ESCO1: variants seen among roughly 807,000 people sequenced by gnomAD.
The protein encoded by ESCO1 is establishment of sister chromatid cohesion N-acetyltransferase 1.
Under a neutral mutation model 83.5 loss-of-function variants are expected in ESCO1, and 33 were observed. The observed-to-expected ratio is 0.40, with a 90% CI of 0.30 to 0.53. The LOEUF is 0.53. Among genes scored for constraint, ESCO1 ranks in the 20% least tolerant of loss-of-function variants. The pLI, the probability that ESCO1 is intolerant of heterozygous loss-of-function variation, is 0.63. For synonymous variants in ESCO1, 332 were observed against 324.3 expected, an observed-to-expected ratio of 1.02 and a Z score of -0.25; for missense variants, 855 against 968.0, an observed-to-expected ratio of 0.88 and a Z score of 1.55.
rs752102051 is a variant in ESCO1 at position 21,574,651 on chromosome 18, G to C, written c.193C>G (p.Arg65Gly). 6.2e-7 allele frequency: 1 copy of C among 1,613,820 alleles called. No homozygotes were observed. The highest frequency in any genetic ancestry group is 1.7e-5 in the Admixed American group (1 of 60,004). ...GCCTTTGATGACCTTGTACTCATGCGTGTTTCCAATTCTGGCTGATTTATT... is the reference window on the plus strand; with the variant it reads ...GCCTTTGATGACCTTGTACTCATGCCTGTTTCCAATTCTGGCTGATTTATT... ...SKINQPELET[R>G]MSTRSSKAAS... Residue 65 changes from arginine to glycine, a missense_variant, in exon 4 of 12, where the codon CGC becomes GGC. By Grantham distance (125) the Arg-to-Gly change is moderately radical. This residue lies in a region of ESCO1 where 726 missense variants were observed against 699.5 expected (regional missense o/e 1.04). Transcript: ENST00000269214.
At chr18:21,578,848 C>T (rs565265544) in intron 2 of ESCO1, among the ~76,000 whole-genome samples, 1 of 152,190 alleles carries the variant, frequency 6.6e-6, no homozygotes, top group South Asian at 2.1e-4. Flanking sequence ...CAGGCATGCA[C>T]CACCACGCCT....
At chr18:21,551,909 G>A (rs542021598) in intron 8 of ESCO1, among the ~76,000 whole-genome samples, 10 of 152,088 alleles carry the variant, frequency 6.6e-5, no homozygotes, top group Non-Finnish European at 1.2e-4. Context: ...TAAGACAAAA[G>A]AAAAGAGAAA....
chr18:21,550,163 A>G (rs1488602159), intron 8 of ESCO1, among the ~76,000 whole-genome samples: 1 of 151,556 alleles, frequency 6.6e-6, no homozygotes, highest in Admixed American at 6.5e-5. Flanking sequence ...TAAGATGTTG[A>G]TTATGTCTGG....
At chr18:21,561,735 T>C (rs539680851) in intron 7 of ESCO1, among the ~76,000 whole-genome samples, 5 of 152,010 alleles carry the variant, frequency 3.3e-5, no homozygotes, top group Admixed American at 3.3e-4. Flanking sequence ...GCCACCTGGC[T>C]AATTTTTATA....
At chr18:21,537,942 T>A (rs906157500) in intron 9 of ESCO1, among the ~76,000 whole-genome samples, 1 of 152,100 alleles carries the variant, frequency 6.6e-6, no homozygotes. Flanking sequence ...ATTGGAAAAT[T>A]TTTTTGGGAA....
At chr18:21,589,758 A>G (rs2038636236) in intron 1 of ESCO1, among the ~76,000 whole-genome samples, 1 of 152,184 alleles carries the variant, frequency 6.6e-6, no homozygotes, top group African/African-American at 2.4e-5. Context: ...AAGTCTACCG[A>G]GAACATCAGA....
At chr18:21,544,874 T>C (rs1006426015) in intron 8 of ESCO1, among the ~76,000 whole-genome samples, 13 of 152,130 alleles carry the variant, frequency 8.5e-5, no homozygotes, top group African/African-American at 3.1e-4. Flanking sequence ...TATTTAGAAG[T>C]AAAAAATAAA....
intron 1 of ESCO1, among the ~76,000 whole-genome samples, chr18:21,590,509 C>G (rs539168661): frequency 1.3e-5 from 2 of 152,054 alleles, no homozygotes; most frequent in Admixed American, 1.3e-4. Flanking sequence ...CATGAGCCAC[C>G]GCACCCAGTC....
At chr18:21,579,792 GCGCA>G (rs1555672178) in intron 2 of ESCO1, among the ~76,000 whole-genome samples, 10,669 of 135,010 alleles carry the variant, frequency 0.079, 730 homozygotes, top group Admixed American at 0.13. Flanking sequence ...ACACGCGCGC[GCGCA>G]CACACACACA....
chr18:21,593,365 A>T (rs2038710446), intron 1 of ESCO1: 1 of 167,096 alleles, frequency 6.0e-6, no homozygotes. Context: ...AGGCTGGTGG[A>T]TCACTCGCGG....
At chr18:21,585,038 A>G (rs1437168406) in intron 1 of ESCO1, among the ~76,000 whole-genome samples, 1 of 150,628 alleles carries the variant, frequency 6.6e-6, no homozygotes, top group African/African-American at 2.4e-5. Flanking sequence ...GCTACTCGTG[A>G]GGCTGAGGCA....
chr18:21,568,674 G>A (rs911269493), intron 4 of ESCO1, among the ~76,000 whole-genome samples: 14 of 151,980 alleles, frequency 9.2e-5, no homozygotes, highest in African/African-American at 3.4e-4. Context: ...AGGCCGAGAC[G>A]GGCGGATCAC....
Position 21,574,250 on chromosome 18 carries a change from T to A in ESCO1, c.594A>T (p.Ile198=). Residue 198 remains isoleucine (I), a synonymous_variant, in exon 4 of 12, where the codon ATA becomes ATT. Transcript: ENST00000269214. ...EDENLVINEV[I]NSPKGKKRKV... The stretch of plus-strand genomic sequence containing the variant: ...TGCGTTTTTTCCCTTTGGGAGAATT[T>A]ATTACTTCATTAATTACTAGATTTT... The A allele has an allele frequency of 6.2e-7, 1 of 1,613,892 alleles. No individual in the cohort carries two copies. The highest frequency in any genetic ancestry group is 1.1e-5 in the South Asian group (1 of 91,080).
chr18:21,535,261 C>CTGGA (rs1355322215), intron 10 of ESCO1, among the ~76,000 whole-genome samples: 1 of 151,570 alleles, frequency 6.6e-6, no homozygotes, highest in Non-Finnish European at 1.5e-5. Flanking sequence ...GTCACCCAGG[C>CTGGA]TGGAGTGCAA....
At chr18:21,558,931 AAAATT>A (rs1292114516) in intron 8 of ESCO1, among the ~76,000 whole-genome samples, 2 of 152,160 alleles carry the variant, frequency 1.3e-5, no homozygotes, top group African/African-American at 4.8e-5. Context: ...GGCATTAAAT[AAAATT>A]AAGATATTTT....
intron 8 of ESCO1, among the ~76,000 whole-genome samples, chr18:21,554,266 T>C (rs1436712593): frequency 1.3e-5 from 2 of 152,184 alleles, no homozygotes; most frequent in African/African-American, 2.4e-5. Context: ...ACTCTTACCA[T>C]ACGATCCAGC....
At chr18:21,576,263 AACTCCAGAG>A (rs1483833743) in intron 2 of ESCO1, among the ~76,000 whole-genome samples, 1 of 152,146 alleles carries the variant, frequency 6.6e-6, no homozygotes, top group African/African-American at 2.4e-5. Context: ...TAATTCTAGA[AACTCCAGAG>A]GCTGAGGCAG....
intron 9 of ESCO1, among the ~76,000 whole-genome samples, chr18:21,537,840 ATTAAT>A (rs1170067963): frequency 5.3e-5 from 8 of 152,336 alleles, no homozygotes; most frequent in Admixed American, 3.9e-4. Context: ...CCAAAAATTC[ATTAAT>A]TTAATTTTCA....
chr18:21,557,935 T>C (rs1038072162), intron 8 of ESCO1, among the ~76,000 whole-genome samples: 21 of 152,128 alleles, frequency 1.4e-4, no homozygotes, highest in Admixed American at 1.4e-3. Context: ...CCTGAAAGCA[T>C]TAAGAGGTTT....
Sources: gnomAD v4.1 joint callset for allele counts (sites outside exome capture counted in the v4.1 genomes callset) on GRCh38, gnomAD v4.1.1 for gene constraint, gnomAD v4.1.1 regional missense constraint, MANE v1.5 for transcripts, NCBI Gene and HGNC (gene_info 2026-07-23, HGNC 2026-07-21) for gene names.